The following CCDC14 variants were observed in gnomAD, a reference collection of about 807,000 sequenced individuals.
The protein encoded by CCDC14 is coiled-coil domain containing 14.
In CCDC14, 71 loss-of-function variants were observed where a neutral mutation model predicts 81.4. That is an observed-to-expected ratio of 0.87 (90% CI 0.72 to 1.06). CCDC14 has a LOEUF of 1.06. CCDC14 is among the 50% of genes least tolerant of loss of function. CCDC14 has a pLI of 0.00. For synonymous variants in CCDC14, 332 were observed against 364.8 expected, an observed-to-expected ratio of 0.91 and a Z score of 1.03; for missense variants, 1,046 against 1,047.3, an observed-to-expected ratio of 1.00 and a Z score of 0.02.
chr3:123,904,440 A>G (rs916963055), intron 5 of CCDC14, among the ~76,000 whole-genome samples: 1 of 152,100 alleles, frequency 6.6e-6, no homozygotes, highest in African/African-American at 2.4e-5. Flanking sequence ...GTGTTGATGA[A>G]AAAAATAGCA....
rs549581606 is a variant in CCDC14, at chr3:123,936,541, C to T, written c.1344-2786G>A. On this transcript the variant is annotated intron_variant, in intron 9 of 12. Transcript: ENST00000409697. ...ATGAGATCATGTTTTTTTGCAAGAA[C>T]ATGAAGGGAACTGGAGGCTATCATC... 2.6e-5 allele frequency among the ~76,000 whole-genome samples: 4 copies of T among 152,094 alleles called. No individual in the cohort carries two copies. The South Asian group carries it at 8.3e-4, about 32-fold the overall frequency.
intron 9 of CCDC14, among the ~76,000 whole-genome samples, chr3:123,944,273 C>T (rs2036512279): frequency 6.6e-6 from 1 of 152,094 alleles, no homozygotes; most frequent in Admixed American, 6.6e-5. Context: ...CATAATGTCC[C>T]AGACCTTTCT....
intron 12 of CCDC14, among the ~76,000 whole-genome samples, chr3:123,925,347 G>A (rs994695929): frequency 8.5e-5 from 13 of 152,124 alleles, no homozygotes; most frequent in African/African-American, 2.7e-4. Flanking sequence ...GTAAGGTAGG[G>A]TATGGGAAAT....
At chr3:123,939,145 C>G (rs573327600) in intron 9 of CCDC14, among the ~76,000 whole-genome samples, 1 of 151,748 alleles carries the variant, frequency 6.6e-6, no homozygotes, top group East Asian at 1.9e-4. Context: ...ATGACTGTTG[C>G]CTTTGCACTA....
intron 5 of CCDC14, chr3:123,952,503 T>A: frequency 7.6e-6 from 3 of 397,102 alleles, no homozygotes; most frequent in South Asian, 2.0e-5. Context: ...ATATTTTTTT[T>A]AAATGCCAGA....
chr3:123,885,933 CTTT>C, the CCDC14 span, among the ~76,000 whole-genome samples: 4 of 152,042 alleles, frequency 2.6e-5, no homozygotes, highest in African/African-American at 9.7e-5. Context: ...TGAATACCTG[CTTT>C]TTTTTAAAAA....
chr3:123,896,133 C>G (rs190793007), downstream of CCDC14, among the ~76,000 whole-genome samples: 1 of 152,160 alleles, frequency 6.6e-6, no homozygotes, highest in African/African-American at 2.4e-5. Context: ...TTGAGAGATG[C>G]GGTCTTTAAG....
the CCDC14 span, among the ~76,000 whole-genome samples, chr3:123,887,515 C>T: frequency 6.6e-6 from 1 of 151,502 alleles, no homozygotes; most frequent in Non-Finnish European, 1.5e-5. Flanking sequence ...GGCTTATAAA[C>T]AAGAAACATT....
At chr3:123,895,041 ATTTCCTTCAGTGAGAAATTGTCTG>A (rs1360432918), downstream of CCDC14, among the ~76,000 whole-genome samples, 1 of 152,202 alleles carries the variant, frequency 6.6e-6, no homozygotes, top group East Asian at 1.9e-4. Flanking sequence ...GACAAAATAA[ATTTCCTTCAGTGAGAAATTGTCTG>A]TTTCCTTAGG....
At chr3:123,895,033 C>T (rs1223003670), downstream of CCDC14, among the ~76,000 whole-genome samples, 4 of 152,180 alleles carry the variant, frequency 2.6e-5, no homozygotes, top group African/African-American at 9.7e-5. Flanking sequence ...TGTGTCAAGA[C>T]AAAATAAATT....
rs1474433677 is a variant in CCDC14 at position 123,933,833 on chromosome 3, A to G, written c.1344-78T>C. 1.5e-5 allele frequency: 14 copies of G among 948,338 alleles called. No homozygotes were observed. In the Middle Eastern group the frequency reaches 1.1e-3, roughly 72 times the overall value. 58.7% of individuals were successfully genotyped at this position (948,338 alleles called of 1,614,324 possible). A position where few individuals can be genotyped will look rare whatever the true frequency, so the allele number is the denominator to read the frequency against. On this transcript the variant is annotated intron_variant, in intron 9 of 12. Transcript: ENST00000409697. Reference sequence around the variant, plus strand: ...GTATACATGTGATAGCCTATCAAAAAAGATAAAACATAAACCCACTAAGAC... The same window carrying G: ...GTATACATGTGATAGCCTATCAAAAGAGATAAAACATAAACCCACTAAGAC...
intron 5 of CCDC14, chr3:123,952,766 G>A (rs917511412): frequency 3.9e-5 from 11 of 279,710 alleles, no homozygotes; most frequent in South Asian, 7.6e-5. Context: ...GTAATAGATC[G>A]CTTAAAGTTC....
Position 123,915,304 on chromosome 3 carries a change from G to A in CCDC14, c.2193C>T (p.Tyr731=), listed in dbSNP as rs1478955937. ...EDEHNLDNTI[Y]IPFARSTPEK... ...CAGGAGTGCTTCTAGCAAAAGGAAT[G>A]TAAATTGTATTATCCAAATTATGCT... The change falls in exon 13 of 13, where the codon TAC becomes TAT. Residue 731 remains tyrosine, a synonymous_variant. Transcript: ENST00000409697. The A allele has an allele frequency of 6.2e-7, 1 of 1,613,834 alleles. No individual in the cohort carries two copies. Among genetic ancestry groups the A allele is most frequent in the African/African-American group, 1.3e-5 (1 of 74,922 alleles).
At chr3:123,920,031 CA>C (rs1292884319) in intron 12 of CCDC14, among the ~76,000 whole-genome samples, 5 of 151,856 alleles carry the variant, frequency 3.3e-5, no homozygotes, top group African/African-American at 1.2e-4. Context: ...AAATAATTAA[CA>C]AACAAAACAA....
chr3:123,947,530 G>A (rs1017692151), intron 7 of CCDC14, among the ~76,000 whole-genome samples: 11 of 152,050 alleles, frequency 7.2e-5, no homozygotes, highest in Non-Finnish European at 1.5e-5. Context: ...TTAAGTAACA[G>A]CCAGTTTTTC....
At chr3:123,952,564 T>C (rs748186992) in intron 5 of CCDC14, 6 of 518,758 alleles carry the variant, frequency 1.2e-5, no homozygotes, top group Admixed American at 9.7e-5. Context: ...CTCTGCCTCC[T>C]TAGTCCCAGA....
At chr3:123,898,064 T>C (rs1274518261) in intron 5 of CCDC14, among the ~76,000 whole-genome samples, 1 of 152,348 alleles carries the variant, frequency 6.6e-6, no homozygotes, top group South Asian at 2.1e-4. Context: ...AGGTAGAGGA[T>C]AAGTAGTGCA....
intron 9 of CCDC14, among the ~76,000 whole-genome samples, chr3:123,937,917 A>G (rs1021611178): frequency 5.3e-5 from 8 of 151,612 alleles, no homozygotes; most frequent in African/African-American, 1.9e-4. Context: ...TGAAAAGAGT[A>G]TTCTTTCCCC....
intron 5 of CCDC14, among the ~76,000 whole-genome samples, chr3:123,905,594 G>A (rs1304111275): frequency 6.6e-6 from 1 of 152,188 alleles, no homozygotes; most frequent in Non-Finnish European, 1.5e-5. Context: ...AACCCAGACT[G>A]AAGTAACAGA....
Sources: gnomAD v4.1 joint callset for allele counts (sites outside exome capture counted in the v4.1 genomes callset) on GRCh38, gnomAD v4.1.1 for gene constraint, MANE v1.5 for transcripts, NCBI Gene and HGNC (gene_info 2026-07-23, HGNC 2026-07-21) for gene names.